LGSN: variants seen among roughly 807,000 people sequenced by gnomAD.
LGSN encodes lengsin.
LGSN carries 21 observed loss-of-function variants against 19.5 expected under a neutral mutation model. That is an observed-to-expected ratio of 1.07 (90% CI 0.76 to 1.55). LGSN has a LOEUF of 1.55. Among genes scored for constraint, LGSN ranks in the 40% most tolerant of loss-of-function variants. LGSN has a pLI of 0.00. For missense variants in LGSN, 673 were observed against 608.5 expected (o/e 1.11, Z -1.12); for synonymous variants, 257 against 215.6 (o/e 1.19, Z -1.68).
the LGSN span, chr6:63,440,982 G>A: frequency 1.9e-5 from 3 of 159,310 alleles, no homozygotes; most frequent in African/African-American, 2.4e-5. Flanking sequence ...CGAGGAGGAC[G>A]GATCACCTGA....
chr6:63,372,793 C>T, the LGSN span, among the ~76,000 whole-genome samples: 1 of 151,852 alleles, frequency 6.6e-6, no homozygotes, highest in East Asian at 1.9e-4. Context: ...AAGAAAAAAA[C>T]AAACCATGAC....
the LGSN span, among the ~76,000 whole-genome samples, chr6:63,491,845 T>C: frequency 6.6e-6 from 1 of 152,216 alleles, no homozygotes; most frequent in African/African-American, 2.4e-5. Flanking sequence ...AGCCTGGCCA[T>C]GGTGAAACCC....
chr6:63,513,158 G>A, the LGSN span, among the ~76,000 whole-genome samples: 3 of 152,230 alleles, frequency 2.0e-5, no homozygotes, highest in East Asian at 5.8e-4. Flanking sequence ...TCACTTCATT[G>A]TTCCATAGCT....
At chr6:63,412,155 T>G in the LGSN span, among the ~76,000 whole-genome samples, 1 of 151,914 alleles carries the variant, frequency 6.6e-6, no homozygotes, top group Non-Finnish European at 1.5e-5. Context: ...TCACTTGAGG[T>G]CAGGAGTTCG....
chr6:63,412,735 G>T, the LGSN span, among the ~76,000 whole-genome samples: 1 of 45,924 alleles, frequency 2.2e-5, no homozygotes, highest in Non-Finnish European at 3.7e-5. Flanking sequence ...AAGAAAGAAA[G>T]AAAGAAAGAA....
At chr6:63,438,366 A>C in the LGSN span, among the ~76,000 whole-genome samples, 2 of 152,230 alleles carry the variant, frequency 1.3e-5, no homozygotes, top group African/African-American at 4.8e-5. Flanking sequence ...GATCTAATTA[A>C]ACTAAAGAGC....
chr6:63,398,378 A>G, the LGSN span, among the ~76,000 whole-genome samples: 5 of 152,164 alleles, frequency 3.3e-5, no homozygotes, highest in Non-Finnish European at 5.9e-5. Flanking sequence ...AATGATATTG[A>G]TGACTCTGAC....
chr6:63,572,304 C>T, the LGSN span: 10 of 216,000 alleles, frequency 4.6e-5, no homozygotes, highest in Non-Finnish European at 8.2e-5. Context: ...CGACTCGGCG[C>T]TTAGCCATTC....
At chr6:63,562,993 G>A in the LGSN span, among the ~76,000 whole-genome samples, 1 of 152,282 alleles carries the variant, frequency 6.6e-6, no homozygotes, top group East Asian at 1.9e-4. Context: ...TAGAGGCAGT[G>A]TGGCATTTTG....
the LGSN span, among the ~76,000 whole-genome samples, chr6:63,477,270 A>G: frequency 6.6e-6 from 1 of 152,230 alleles, no homozygotes; most frequent in Non-Finnish European, 1.5e-5. Flanking sequence ...GTTCTAGAAC[A>G]GTTAGTTTTA....
At chr6:63,439,794 C>A in the LGSN span, among the ~76,000 whole-genome samples, 9 of 152,304 alleles carry the variant, frequency 5.9e-5, no homozygotes, top group East Asian at 1.3e-3. Flanking sequence ...CATCATTTGT[C>A]AAAGCTCTAC....
chr6:63,516,805 C>T, the LGSN span, among the ~76,000 whole-genome samples: 1 of 152,172 alleles, frequency 6.6e-6, no homozygotes, highest in African/African-American at 2.4e-5. Flanking sequence ...TTCCTTCTTC[C>T]TACAGCTAGA....
chr6:63,339,885 A>G, the LGSN span, among the ~76,000 whole-genome samples: 2 of 152,190 alleles, frequency 1.3e-5, no homozygotes, highest in African/African-American at 4.8e-5. Context: ...TCATGATGTC[A>G]GATAGCATTT....
the LGSN span, among the ~76,000 whole-genome samples, chr6:63,419,744 C>T: frequency 2.7e-5 from 4 of 150,766 alleles, no homozygotes; most frequent in Middle Eastern, 3.2e-3. Flanking sequence ...AAAAATTAGC[C>T]GGCCGTGTTG....
At chr6:63,299,479 C>T (rs1768102876) in intron 1 of LGSN, among the ~76,000 whole-genome samples, 1 of 152,234 alleles carries the variant, frequency 6.6e-6, no homozygotes, top group South Asian at 2.1e-4. Context: ...CAGCTGTATG[C>T]ATTTGAGAGA....
the LGSN span, among the ~76,000 whole-genome samples, chr6:63,570,421 T>C: frequency 6.6e-6 from 1 of 152,252 alleles, no homozygotes; most frequent in East Asian, 1.9e-4. Context: ...CATAGTAGGA[T>C]AAGATGGTAC....
At chr6:63,440,313 G>A in the LGSN span, among the ~76,000 whole-genome samples, 1,417 of 152,294 alleles carry the variant, frequency 9.3e-3, 22 homozygotes, top group African/African-American at 0.032. Context: ...GCCGTTTGTA[G>A]GTGGAGGAGC....
chr6:63,388,464 A>G, the LGSN span, among the ~76,000 whole-genome samples: 1 of 152,158 alleles, frequency 6.6e-6, no homozygotes, highest in African/African-American at 2.4e-5. Context: ...AAATGAGGCC[A>G]GTTAGGGTGA....
chr6:63,282,198 T>C (rs539087285), intron 3 of LGSN, among the ~76,000 whole-genome samples: 18 of 152,338 alleles, frequency 1.2e-4, no homozygotes, highest in African/African-American at 4.3e-4. Flanking sequence ...GGAAATTATG[T>C]ATTAGAAATA....
Sources: gnomAD v4.1 joint callset for allele counts (sites outside exome capture counted in the v4.1 genomes callset) on GRCh38, gnomAD v4.1.1 for gene constraint, MANE v1.5 for transcripts, NCBI Gene and HGNC (gene_info 2026-07-23, HGNC 2026-07-21) for gene names.